The following PHF19 variants were observed in gnomAD, a reference collection of about 807,000 sequenced individuals.
PHF19 encodes the protein polycomb like 3.
Under a neutral mutation model 79.8 loss-of-function variants are expected in PHF19, and 21 were observed. The ratio of observed to expected loss-of-function variants is 0.26; its 90% confidence interval spans 0.19 to 0.38. The LOEUF (loss-of-function observed/expected upper bound fraction) is 0.38, where lower values mean the gene tolerates loss of function less well. PHF19 is among the 10% of genes least tolerant of loss of function. PHF19 has a pLI of 1.00. For missense variants in PHF19, 445 were observed against 744.2 expected (o/e 0.60, Z 4.68); for synonymous variants, 273 against 296.3 (o/e 0.92, Z 0.81).
At chr9:120,887,410 C>T (rs891538075) in intron 1 of PHF19, among the ~76,000 whole-genome samples, 10 of 152,086 alleles carry the variant, frequency 6.6e-5, no homozygotes, top group South Asian at 2.1e-4. Flanking sequence ...GCCGAGATCA[C>T]GCCATTGCAC....
chr9:120,879,525 C>T (rs146760978), upstream of PHF19, among the ~76,000 whole-genome samples: 1 of 152,334 alleles, frequency 6.6e-6, no homozygotes, highest in East Asian at 1.9e-4. Flanking sequence ...TAATACTACC[C>T]ATCTCGTGGG....
In PHF19 at chr9:120,866,113, A is replaced by G; in HGVS notation, c.711-17T>C. 1.9e-6 allele frequency: 3 copies of G among 1,605,896 alleles called. No individual in the cohort carries two copies. In the South Asian group the frequency reaches 3.3e-5, roughly 18 times the overall value. Reference sequence around the variant, plus strand: ...AGGTAAAACCTGTGGGTGGGTAGAGACGGGGGCCTATGGTGGGAGGGGCTC... The same window carrying G: ...AGGTAAAACCTGTGGGTGGGTAGAGGCGGGGGCCTATGGTGGGAGGGGCTC... On this transcript the variant is annotated splice_polypyrimidine_tract_variant and intron_variant, in intron 7 of 14. Transcript: ENST00000373896. The surrounding 1 kb of genome is among the most constrained non-coding windows in gnomAD (Gnocchi z 5.2).
rs1239585744 is a variant in PHF19 at position 120,856,662 on chromosome 9, C to T, written c.*1282G>A. ...GTTCCAAAAATTCTCTTTCAAACCC[C>T]CACTGGCAAGGGCTTCCCTTTGAGG... On this transcript the variant is annotated 3_prime_UTR_variant, in exon 15 of 15. Coordinates refer to ENST00000373896, the MANE Select transcript of PHF19 (RefSeq NM_015651.3). 6.6e-6 allele frequency: 1 copy of T among 152,568 alleles called. No individual in the cohort carries two copies. The highest frequency in any genetic ancestry group is 2.4e-5 in the African/African-American group (1 of 41,444). 9.5% of individuals were successfully genotyped at this position (152,568 alleles called of 1,614,324 possible). A position where few individuals can be genotyped will look rare whatever the true frequency, so the allele number is the denominator to read the frequency against.
chr9:120,858,228 C>G lies in PHF19; in HGVS notation c.1459G>C (p.Ala487Pro). The G allele has an allele frequency of 6.4e-7, 1 of 1,572,108 alleles. No homozygotes were observed. Among genetic ancestry groups the G allele is most frequent in the Non-Finnish European group, 8.7e-7 (1 of 1,152,772 alleles). Residue 487 changes from alanine to proline, a missense_variant, in exon 15 of 15, where the codon GCA becomes CCA. Physicochemically the swap from Ala to Pro is conservative, Grantham distance 27 (BLOSUM62 -1). Around this residue, in one of 5 missense-constraint regions of PHF19, gnomAD observed 125 missense variants for 180.5 expected, o/e 0.69. Coordinates refer to ENST00000373896, the MANE Select transcript of PHF19 (RefSeq NM_015651.3). Reference sequence around the variant, plus strand: ...TCCAGCTCAGCTGCCCACCGCTTTGCCCGCAGGGGCATGTATGCCTTGGCT... The same window carrying G: ...TCCAGCTCAGCTGCCCACCGCTTTGGCCGCAGGGGCATGTATGCCTTGGCT... The part of the protein sequence containing the change: ...LAAKAYMPLR[A>P]KRWAAELDGR...
rs988423353 is a variant in PHF19 at position 120,862,831 on chromosome 9, C to T, written c.969-82G>A. 1.5e-5 allele frequency: 19 copies of T among 1,295,312 alleles called. No homozygotes were observed. The highest frequency in any genetic ancestry group is 2.1e-5 in the Non-Finnish European group (19 of 901,400). 80.2% of individuals were successfully genotyped at this position (1,295,312 alleles called of 1,614,324 possible). ...GGAGTGGGGTCAAGCATGACACAAGCCTCTCTGCCTCCTTGGACCCAGAGC... is the reference window on the plus strand; with the variant it reads ...GGAGTGGGGTCAAGCATGACACAAGTCTCTCTGCCTCCTTGGACCCAGAGC... On this transcript the variant is annotated intron_variant, in intron 10 of 14. Coordinates refer to ENST00000373896, the MANE Select transcript of PHF19 (RefSeq NM_015651.3). This position sits in a 1 kb window ranked among gnomAD's most constrained non-coding sequence, Gnocchi z 4.6.
intron 1 of PHF19, among the ~76,000 whole-genome samples, chr9:120,889,441 A>G (rs1199765024): frequency 2.6e-5 from 4 of 151,408 alleles, no homozygotes; most frequent in Admixed American, 6.6e-5. Context: ...AAAAAAAAAA[A>G]AAGGACCAAG....
upstream of PHF19, among the ~76,000 whole-genome samples, chr9:120,896,804 C>T (rs1366610655): frequency 5.3e-5 from 8 of 152,190 alleles, no homozygotes; most frequent in Admixed American, 2.0e-4. Context: ...GGAGATGCTG[C>T]GTTGCACACC....
At position 120,864,062 on chromosome 9, in the gene PHF19, T is replaced by C. The variant is rs768864206; in HGVS notation, c.955A>G (p.Ser319Gly). The C allele has an allele frequency of 1.1e-5, 17 of 1,613,822 alleles. No homozygotes were observed. Among genetic ancestry groups the C allele is most frequent in the Non-Finnish European group, 1.4e-5 (17 of 1,179,858 alleles). Residue 319 changes from serine to glycine, a missense_variant, in exon 10 of 15, where the codon AGT becomes GGT. Physicochemically the swap from Ser to Gly is moderately conservative, Grantham distance 56. Transcript: ENST00000373896. ...CCCTGCACGCACCGGCTTTTATAAC[T>C]GTTCAGAGCGTTGAGGAGATGTGGT... ...RGPHLLNALNSYKSRFLCGKE... is the reference protein window; with the variant it reads ...RGPHLLNALNGYKSRFLCGKE...
rs910217685 is a variant in PHF19, at chr9:120,865,976, G to A, written c.779+52C>T. 3.2e-6 allele frequency: 5 copies of A among 1,566,046 alleles called. No individual in the cohort carries two copies. In the East Asian group the frequency reaches 9.0e-5, roughly 28 times the overall value. On this transcript the variant is annotated intron_variant, in intron 8 of 14. Transcript: ENST00000373896. Reference sequence around the variant, plus strand: ...GAATTGTTCCAGGAGGGAGGAGGGAGGGGAGAAGCTGGGAGGAGCAGCGGT... The same window carrying A: ...GAATTGTTCCAGGAGGGAGGAGGGAAGGGAGAAGCTGGGAGGAGCAGCGGT...
intron 12 of PHF19, among the ~76,000 whole-genome samples, chr9:120,861,442 C>T (rs2045521937): frequency 1.3e-5 from 2 of 152,248 alleles, no homozygotes; most frequent in Non-Finnish European, 2.9e-5. Context: ...TGCCTTGCTT[C>T]ACTCTTACAG....
chr9:120,869,382 G>A lies in PHF19; in HGVS notation c.466-52C>T, dbSNP rs1306877861. 6.3e-7 allele frequency: 1 copy of A among 1,577,346 alleles called. No individual in the cohort carries two copies. Among genetic ancestry groups the A allele is most frequent in the Non-Finnish European group, 8.6e-7 (1 of 1,159,448 alleles). ...ACCACCAGGTCCGGGTGGACCACGCGAGTCAGCACGCGGCTGTCTATTGAG... is the reference window on the plus strand; with the variant it reads ...ACCACCAGGTCCGGGTGGACCACGCAAGTCAGCACGCGGCTGTCTATTGAG... On this transcript the variant is annotated intron_variant, in intron 5 of 14. Transcript: ENST00000373896. This position sits in a 1 kb window ranked among gnomAD's most constrained non-coding sequence, Gnocchi z 5.8.
upstream of PHF19, chr9:120,877,193 G>T (rs932186290): frequency 6.8e-5 from 66 of 973,298 alleles, no homozygotes; most frequent in Non-Finnish European, 8.0e-5. Context: ...CCGAGTGTCC[G>T]CCCGTGGGGC....
At chr9:120,901,842 G>A in the PHF19 span, among the ~76,000 whole-genome samples, 2 of 152,142 alleles carry the variant, frequency 1.3e-5, no homozygotes, top group Non-Finnish European at 2.9e-5. Context: ...GGCCGTTGGG[G>A]GCAAAAGGTG....
intron 3 of PHF19, among the ~76,000 whole-genome samples, chr9:120,873,681 A>G (rs767644380): frequency 6.6e-6 from 1 of 152,238 alleles, no homozygotes; most frequent in African/African-American, 2.4e-5. Flanking sequence ...GCAGCCAGGA[A>G]GCAAACGCAG....
At chr9:120,858,811 T>TCTCACA (rs764897588) in intron 14 of PHF19, among the ~76,000 whole-genome samples, 103 of 122,890 alleles carry the variant, frequency 8.4e-4, no homozygotes, top group African/African-American at 2.9e-3. Context: ...CTGACAGACA[T>TCTCACA]CACACACACA....
intron 1 of PHF19, among the ~76,000 whole-genome samples, chr9:120,889,260 C>T (rs962251049): frequency 2.0e-5 from 3 of 151,996 alleles, no homozygotes; most frequent in African/African-American, 7.3e-5. Context: ...ATCTCGTCTC[C>T]ATTAAAAATA....
At chr9:120,900,755 C>T in the PHF19 span, among the ~76,000 whole-genome samples, 15 of 152,104 alleles carry the variant, frequency 9.9e-5, no homozygotes, top group Non-Finnish European at 1.5e-4. Context: ...TCTATAGAGA[C>T]GGGATCTTGC....
upstream of PHF19, among the ~76,000 whole-genome samples, chr9:120,899,545 C>A (rs2046424482): frequency 6.6e-6 from 1 of 152,016 alleles, no homozygotes; most frequent in Non-Finnish European, 1.5e-5. Flanking sequence ...ACACTGGCAC[C>A]CCCACAGTGG....
chr9:120,885,272 G>A (rs1257811589), intron 1 of PHF19, among the ~76,000 whole-genome samples: 1 of 152,112 alleles, frequency 6.6e-6, no homozygotes, highest in Non-Finnish European at 1.5e-5. Context: ...TTCAGATGGG[G>A]AAACGGATAT....
Sources: allele counts gnomAD v4.1 joint callset (sites outside exome capture counted in the v4.1 genomes callset), GRCh38; gene constraint gnomAD v4.1.1; regional missense constraint gnomAD v4.1.1; non-coding constraint Gnocchi (gnomAD v3.1); transcripts MANE v1.5; gene names NCBI Gene and HGNC (gene_info 2026-07-23, HGNC 2026-07-21).